Variants in ZNF548 observed in about 807,000 individuals in gnomAD.
The protein encoded by ZNF548 is zinc finger protein 548.
In ZNF548, 10 loss-of-function variants were observed where a neutral mutation model predicts 10.2. The observed-to-expected ratio is 0.98, with a 90% CI of 0.60 to 1.66. The LOEUF (loss-of-function observed/expected upper bound fraction) is 1.66, where lower values mean the gene tolerates loss of function less well. Among genes scored for constraint, ZNF548 ranks in the 40% most tolerant of loss-of-function variants. The probability of loss-of-function intolerance (pLI) is 0.00; values close to 1 mark genes in which losing one functional copy is unlikely to be tolerated. For missense variants in ZNF548, 599 were observed against 657.0 expected (o/e 0.91, Z 0.97); for synonymous variants, 217 against 223.5 (o/e 0.97, Z 0.26).
Position 57,397,161 on chromosome 19 carries a change from T to C in ZNF548, c.165T>C (p.Leu55=), listed in dbSNP as rs1393122096. 4 of 1,609,426 alleles carry C rather than the reference T, an allele frequency of 2.5e-6. No individual in the cohort carries two copies. Among genetic ancestry groups the C allele is most frequent in the Non-Finnish European group, 3.4e-6 (4 of 1,177,478 alleles). The change falls in exon 3 of 4, where the codon CTT becomes CTC. Residue 55 remains leucine, a synonymous_variant. Transcript: ENST00000336128. The stretch of plus-strand genomic sequence containing the variant: ...ATGTGATGCTGGAGAATTTGGCCCT[T>C]TTGTCCTCACTAGGTAAGGCCCTCA... ...YRDVMLENLA[L]LSSLGSWHGA... is the part of the protein sequence containing the mutation.
In ZNF548 at chr19:57,396,631, G is replaced by T. The variant is rs558065616; in HGVS notation, c.52-417G>T. ...ATTTATTCCTTGCATTTCCCCAAGGGGGGTACATACCACATAACACAGGGC... is the reference window on the plus strand; with the variant it reads ...ATTTATTCCTTGCATTTCCCCAAGGTGGGTACATACCACATAACACAGGGC... On this transcript the variant is annotated intron_variant, in intron 2 of 3. Transcript: ENST00000336128. Among the ~76,000 whole-genome samples the T allele has an allele frequency of 2.0e-4, 30 of 152,348 alleles. No individual in the cohort carries two copies. In the South Asian group the frequency reaches 5.0e-3, roughly 25 times the overall value.
At chr19:57,398,005 G>T (rs2088679309) in intron 3 of ZNF548, among the ~76,000 whole-genome samples, 2 of 152,162 alleles carry the variant, frequency 1.3e-5, no homozygotes, top group South Asian at 4.1e-4. Flanking sequence ...TGCTCCCTTT[G>T]AATGCCTGCC....
At chr19:57,398,243 CT>C (rs2088681196) in intron 3 of ZNF548, among the ~76,000 whole-genome samples, 186 bp from the exon 4 acceptor site, 1 of 152,220 alleles carries the variant, frequency 6.6e-6, no homozygotes, top group Admixed American at 6.5e-5. Context: ...ATCATCAGGG[CT>C]CTCCCATTAT....
Position 57,399,292 on chromosome 19 carries a change from A to T in ZNF548, c.1041A>T (p.Arg347Ser). ...IKHQRVHTGE[R>S]PYKCNDCGKF... ...ATCAGAGAGTTCACACCGGAGAAAG[A>T]CCTTATAAGTGCAATGATTGTGGGA... The change falls in exon 4 of 4, where the codon AGA (arginine) becomes AGT (serine). Residue 347 changes from arginine (R) to serine (S), a missense_variant. By Grantham distance (110) the Arg-to-Ser change is moderately radical. Transcript: ENST00000336128. This position sits in a 1 kb window ranked among gnomAD's most constrained non-coding sequence, Gnocchi z 4.0. The T allele has an allele frequency of 6.2e-7, 1 of 1,613,104 alleles. No homozygotes were observed. Among genetic ancestry groups the T allele is most frequent in the South Asian group, 1.1e-5 (1 of 91,030 alleles).
At position 57,397,191 on chromosome 19, in the gene ZNF548, T is replaced by C. The variant is rs1227774843; in HGVS notation, c.178+17T>C. On this transcript the variant is annotated intron_variant, in intron 3 of 3. Transcript: ENST00000336128. ...CCTCACTAGGTAAGGCCCTCACACT[T>C]GCCCAGTGTCCTGGGTTAGGCTGTG... 1 of 1,584,738 alleles carries C rather than the reference T, an allele frequency of 6.3e-7. No homozygotes were observed. The highest frequency in any genetic ancestry group is 2.2e-5 in the East Asian group (1 of 44,522).
At position 57,397,081 on chromosome 19, in the gene ZNF548, T is replaced by C. The variant is rs2123043357; in HGVS notation, c.85T>C (p.Phe29Leu). 6.2e-7 allele frequency: 1 copy of C among 1,613,540 alleles called. No individual in the cohort carries two copies. Among genetic ancestry groups the C allele is most frequent in the South Asian group, 1.1e-5 (1 of 91,034 alleles). The change falls in exon 3 of 4, where the codon TTC becomes CTC. Residue 29 changes from phenylalanine (F) to leucine (L), a missense_variant. Coordinates refer to ENST00000336128, the MANE Select transcript of ZNF548 (RefSeq NM_001172773.2). The stretch of plus-strand genomic sequence containing the variant: ...GGTCTTTGAGGACGTGGCCATATAT[T>C]TCTCCCAGGAGGAGTGGGGGCACCT... ...RVVFEDVAIY[F>L]SQEEWGHLDE... is the part of the protein sequence containing the mutation.
chr19:57,397,111 G>C lies in ZNF548; in HGVS notation c.115G>C (p.Glu39Gln). 6.2e-7 allele frequency: 1 copy of C among 1,613,822 alleles called. No individual in the cohort carries two copies. Among genetic ancestry groups the C allele is most frequent in the Non-Finnish European group, 8.5e-7 (1 of 1,179,804 alleles). The change falls in exon 3 of 4, where the codon GAG becomes CAG. Residue 39 changes from glutamate (E) to glutamine (Q), a missense_variant. Glu to Gln is a conservative substitution (Grantham distance 29). Transcript: ENST00000336128. ...CCAGGAGGAGTGGGGGCACCTTGAT[G>C]AGGCTCAGAGATTGCTGTACCGTGA... ...FSQEEWGHLD[E>Q]AQRLLYRDVM...
intron 1 of ZNF548, chr19:57,390,391 A>C (rs2088614776): frequency 7.7e-6 from 3 of 388,078 alleles, no homozygotes; most frequent in South Asian, 7.8e-5. Flanking sequence ...TGGAATGGCA[A>C]CCTGAGCAGC....
At chr19:57,391,258 C>T (rs1359198223) in intron 1 of ZNF548, among the ~76,000 whole-genome samples, 1 of 150,332 alleles carries the variant, frequency 6.7e-6, no homozygotes, top group Non-Finnish European at 1.5e-5. Context: ...TAATGGCCTC[C>T]AGTTCCATCC....
chr19:57,391,273 T>G (rs2088622434), intron 1 of ZNF548, among the ~76,000 whole-genome samples: 2 of 149,914 alleles, frequency 1.3e-5, no homozygotes, highest in Non-Finnish European at 3.0e-5. Context: ...CCATCCACAT[T>G]GCTGTAAAAG....
chr19:57,394,316 T>C, intron 2 of ZNF548, 93 bp downstream of exon 2: 3 of 1,336,152 alleles, frequency 2.2e-6, no homozygotes, highest in Admixed American at 2.1e-5. Flanking sequence ...CTTTCTCTTA[T>C]GTCTGAAGGG....
In ZNF548 at chr19:57,389,932, T is replaced by A. The variant is rs932334018; in HGVS notation, c.-168T>A. The A allele has an allele frequency of 6.4e-5, 51 of 793,860 alleles. No individual in the cohort carries two copies. The African/African-American group carries it at 7.6e-4, about 12-fold the overall frequency. The allele number at this position is 793,860 out of a possible 1,614,324, so 49.2% of individuals were successfully genotyped here. ...ACCAACTTCGGCCTATGGCTCTGTC[T>A]GACGTCACCGAAGTGACGGAACGGA... On this transcript the variant is annotated 5_prime_UTR_variant, in exon 1 of 4. Coordinates refer to ENST00000336128, the MANE Select transcript of ZNF548 (RefSeq NM_001172773.2).
chr19:57,400,101 ATTT>A lies in ZNF548; in HGVS notation c.*213_*215del. 1 of 505,478 alleles carries A rather than the reference ATTT, an allele frequency of 2.0e-6. No homozygotes were observed. Among genetic ancestry groups the A allele is most frequent in the Non-Finnish European group, 3.5e-6 (1 of 288,652 alleles). 31.3% of individuals were successfully genotyped at this position (505,478 alleles called of 1,614,324 possible). ...ATAGATATCTATGAATTTGATATAT[ATTT>A]GTACCTCATATAAGTGGATTCTACA... On this transcript the variant is annotated 3_prime_UTR_variant, in exon 4 of 4. Transcript: ENST00000336128.
At chr19:57,397,023 G>T (rs773954231) in intron 2 of ZNF548, 25 bp from the exon 3 acceptor site, 1 of 1,596,726 alleles carries the variant, frequency 6.3e-7, no homozygotes, top group East Asian at 2.2e-5. Context: ...AGCTGCTTAT[G>T]TATTCATCTT....
rs1017847570 is a variant in ZNF548 at position 57,398,860 on chromosome 19, G to A, written c.609G>A (p.Gln203=). The change falls in exon 4 of 4, where the codon CAG becomes CAA. Residue 203 remains glutamine (Q), a synonymous_variant. Coordinates refer to ENST00000336128, the MANE Select transcript of ZNF548 (RefSeq NM_001172773.2). The stretch of plus-strand genomic sequence containing the variant: ...ACACAGAGGACAGAGAAGCCTTTCA[G>A]ACTGGACAAAATGATTACAAATGTA... The part of the protein sequence containing the change: ...YRDTEDREAF[Q]TGQNDYKCSE... The A allele has an allele frequency of 5.0e-6, 8 of 1,613,912 alleles. No individual in the cohort carries two copies. Among genetic ancestry groups the A allele is most frequent in the Non-Finnish European group, 6.8e-6 (8 of 1,179,904 alleles).
rs770667149 is a variant in ZNF548 at position 57,397,305 on chromosome 19, T to G, written c.178+131T>G. 3.7e-6 allele frequency: 5 copies of G among 1,347,218 alleles called. No individual in the cohort carries two copies. The South Asian group carries it at 9.9e-5, about 27-fold the overall frequency. The allele number at this position is 1,347,218 out of a possible 1,614,324, so 83.5% of individuals were successfully genotyped here. ...TTTCCCTGTTTCTTGGCATATATGC[T>G]GTGGGAGGCAGGGCTGGGCCGTGTG... On this transcript the variant is annotated intron_variant, in intron 3 of 3. Coordinates refer to ENST00000336128, the MANE Select transcript of ZNF548 (RefSeq NM_001172773.2).
rs531104877 is a variant in ZNF548 at position 57,391,191 on chromosome 19, A to G, written c.15+1077A>G. On this transcript the variant is annotated intron_variant, in intron 1 of 3. Coordinates refer to ENST00000336128, the MANE Select transcript of ZNF548 (RefSeq NM_001172773.2). ...CATGTGTACACATTATTCAGCTTCC[A>G]CTTGTAAGTGAGAACATTTGGTATT... Among the ~76,000 whole-genome samples, 6 of 151,984 alleles carry G rather than the reference A, an allele frequency of 3.9e-5. No homozygotes were observed. In the East Asian group the frequency reaches 9.7e-4, roughly 24 times the overall value.
chr19:57,395,267 G>A lies in ZNF548; in HGVS notation c.51+1044G>A, dbSNP rs543278851. 1.3e-5 allele frequency among the ~76,000 whole-genome samples: 2 copies of A among 152,176 alleles called. No homozygotes were observed. Among genetic ancestry groups the A allele is most frequent in the East Asian group, 3.9e-4 (2 of 5,174 alleles). ...ATGTGAGATGGTGGGGTATAGGAGT[G>A]AGAAAGACTTCTGAAGGAGAGTGGA... On this transcript the variant is annotated intron_variant, in intron 2 of 3. Coordinates refer to ENST00000336128, the MANE Select transcript of ZNF548 (RefSeq NM_001172773.2). This position sits in a 1 kb window ranked among gnomAD's most constrained non-coding sequence, Gnocchi z 4.8.
chr19:57,391,297 C>CTT (rs35713836), intron 1 of ZNF548, among the ~76,000 whole-genome samples: 129 of 140,624 alleles, frequency 9.2e-4, no homozygotes, highest in South Asian at 1.8e-3. Context: ...TAGTTTCATG[C>CTT]TTTTTTTTTT....
Sources: allele counts gnomAD v4.1 joint callset (sites outside exome capture counted in the v4.1 genomes callset), GRCh38; gene constraint gnomAD v4.1.1; non-coding constraint Gnocchi (gnomAD v3.1); transcripts MANE v1.5; gene names NCBI Gene and HGNC (gene_info 2026-07-23, HGNC 2026-07-21).